The following CADPS2 variants were observed in gnomAD, a reference collection of about 807,000 sequenced individuals.
The protein encoded by CADPS2 is calcium dependent secretion activator 2.
In CADPS2, 93 loss-of-function variants were observed where a neutral mutation model predicts 172.5. The ratio of observed to expected loss-of-function variants is 0.54; its 90% CI spans 0.46 to 0.64. The LOEUF is 0.64. Among genes scored for constraint, CADPS2 ranks in the 30% least tolerant of loss-of-function variants. The pLI is 0.00. For missense variants in CADPS2, 1,420 were observed against 1,565.9 expected, an observed-to-expected ratio of 0.91 and a Z score of 1.57; for synonymous variants, 546 against 555.2, an observed-to-expected ratio of 0.98 and a Z score of 0.23.
At chr7:122,787,247 C>T (rs1052543351) in intron 1 of CADPS2, among the ~76,000 whole-genome samples, 1 of 152,066 alleles carries the variant, frequency 6.6e-6, no homozygotes, top group Non-Finnish European at 1.5e-5. Flanking sequence ...CAAGAAAAAG[C>T]TGAAAATTTT....
At chr7:122,541,528 T>C (rs2062953229) in intron 8 of CADPS2, among the ~76,000 whole-genome samples, 1 of 143,190 alleles carries the variant, frequency 7.0e-6, no homozygotes, top group African/African-American at 2.6e-5. Context: ...TTTTTTTTTA[T>C]GCTTCTCTTA....
intron 7 of CADPS2, among the ~76,000 whole-genome samples, chr7:122,559,282 C>A (rs2065416460): frequency 6.6e-6 from 1 of 152,122 alleles, no homozygotes; most frequent in African/African-American, 2.4e-5. Flanking sequence ...GAAAAAAACA[C>A]ATGATTCCAA....
At chr7:122,795,282 A>T (rs1458883151) in intron 1 of CADPS2, among the ~76,000 whole-genome samples, 1 of 152,170 alleles carries the variant, frequency 6.6e-6, no homozygotes, top group Non-Finnish European at 1.5e-5. Flanking sequence ...GGATATTACC[A>T]CTGACCCCAT....
chr7:122,391,248 T>C (rs766133022), intron 22 of CADPS2, among the ~76,000 whole-genome samples: 7 of 152,040 alleles, frequency 4.6e-5, no homozygotes, highest in Non-Finnish European at 8.8e-5. Context: ...AAAACACATT[T>C]TTAAATTTCC....
intron 1 of CADPS2, among the ~76,000 whole-genome samples, chr7:122,844,333 T>A (rs1002390700): frequency 1.3e-5 from 2 of 152,208 alleles, no homozygotes; most frequent in African/African-American, 4.8e-5. Flanking sequence ...TAAAAAAACA[T>A]CCCGCTTGCC....
rs958854502 is a variant in CADPS2, at chr7:122,386,645, TCA to T, written c.3312+379_3312+380del. On this transcript the variant is annotated intron_variant, in intron 24 of 29. Transcript: ENST00000449022. Reference sequence around the variant, plus strand: ...GAAGCTACTGTGTAAATAAACTATTTCACACTTTTTCGTGTGTCTTACTTTTA... The same window carrying T: ...GAAGCTACTGTGTAAATAAACTATTTCACTTTTTCGTGTGTCTTACTTTTA... 3.6e-4 allele frequency among the ~76,000 whole-genome samples: 55 copies of T among 152,246 alleles called. 1 individual carries two copies. Among genetic ancestry groups the T allele is most frequent in the Non-Finnish European group, 1.0e-4 (7 of 68,002 alleles).
intron 1 of CADPS2, among the ~76,000 whole-genome samples, chr7:122,825,466 A>C (rs890921479): frequency 1.3e-5 from 2 of 152,184 alleles, no homozygotes; most frequent in Non-Finnish European, 2.9e-5. Context: ...GGAGAGATAA[A>C]ATTAAAATGG....
chr7:122,336,466 G>C (rs1006455644), intron 28 of CADPS2, among the ~76,000 whole-genome samples: 2 of 152,228 alleles, frequency 1.3e-5, no homozygotes, highest in African/African-American at 4.8e-5. Context: ...CAAGGCACTA[G>C]AGACCAGTTG....
intron 2 of CADPS2, among the ~76,000 whole-genome samples, chr7:122,685,053 A>AT (rs1161957431): frequency 5.3e-5 from 8 of 152,214 alleles, no homozygotes; most frequent in Non-Finnish European, 1.0e-4. Context: ...GTAGTTGTTT[A>AT]TTTTTTTAAC....
At chr7:122,841,867 T>G (rs1399772350) in intron 1 of CADPS2, among the ~76,000 whole-genome samples, 1 of 152,206 alleles carries the variant, frequency 6.6e-6, no homozygotes, top group Non-Finnish European at 1.5e-5. Flanking sequence ...ATCCAGAATT[T>G]TCCACTCTAA....
chr7:122,876,675 T>C (rs1409375200), intron 1 of CADPS2, among the ~76,000 whole-genome samples: 2 of 152,138 alleles, frequency 1.3e-5, no homozygotes, highest in Admixed American at 1.3e-4. Flanking sequence ...TTTATATATA[T>C]ACATGTATAT....
chr7:122,807,856 A>G (rs1799131980), intron 1 of CADPS2, among the ~76,000 whole-genome samples: 2 of 152,206 alleles, frequency 1.3e-5, no homozygotes, highest in African/African-American at 4.8e-5. Flanking sequence ...GGATCACCAA[A>G]AAGGCCTCAT....
In CADPS2 at chr7:122,636,099, T is replaced by C. The variant is rs1356682729; in HGVS notation, c.787-6771A>G. ...AGTGGGGTTTTGAGACCATTTACATTCATGGATAGTATTGATATGTGAGAT... is the reference window on the plus strand; with the variant it reads ...AGTGGGGTTTTGAGACCATTTACATCCATGGATAGTATTGATATGTGAGAT... On this transcript the variant is annotated intron_variant, in intron 3 of 29. Transcript: ENST00000449022. 3.3e-5 allele frequency among the ~76,000 whole-genome samples: 5 copies of C among 152,176 alleles called. No homozygotes were observed. The East Asian group carries it at 9.7e-4, about 29-fold the overall frequency.
intron 2 of CADPS2, among the ~76,000 whole-genome samples, chr7:122,688,655 G>C (rs2083933336): frequency 6.6e-6 from 1 of 152,140 alleles, no homozygotes; most frequent in African/African-American, 2.4e-5. Context: ...TTCTCTCTCT[G>C]GGCACGAGAG....
intron 3 of CADPS2, among the ~76,000 whole-genome samples, chr7:122,649,731 CATACATCTATATGATTT>C (rs1164663357): frequency 6.6e-6 from 1 of 152,062 alleles, no homozygotes; most frequent in Admixed American, 6.6e-5. Context: ...CATTACATTT[CATACATCTATATGATTT>C]ATACATCTAT....
At position 122,603,397 on chromosome 7, in the gene CADPS2, G is replaced by T. The variant is rs117763610; in HGVS notation, c.1223+11784C>A. ...TGAAACTCCTCCTGTAAATTTCCTG[G>T]ACTTAAAAATAGGATGCTAAAAGAA... On this transcript the variant is annotated intron_variant, in intron 6 of 29. Coordinates refer to ENST00000449022, the MANE Select transcript of CADPS2 (RefSeq NM_017954.11). 7.1e-3 allele frequency among the ~76,000 whole-genome samples: 1,031 copies of T among 146,120 alleles called. 3 individuals carry two copies. The highest frequency in any genetic ancestry group is 0.012 in the Non-Finnish European group (790 of 67,794).
At chr7:122,669,454 A>G (rs2081550355) in intron 2 of CADPS2, among the ~76,000 whole-genome samples, 2 of 151,728 alleles carry the variant, frequency 1.3e-5, no homozygotes, top group South Asian at 4.2e-4. Flanking sequence ...CAGGTGTCCT[A>G]TGATGCTGAT....
At chr7:122,518,314 A>G (rs2130952774) in intron 8 of CADPS2, among the ~76,000 whole-genome samples, 1 of 152,240 alleles carries the variant, frequency 6.6e-6, no homozygotes, top group Non-Finnish European at 1.5e-5. Context: ...ATAAATTATA[A>G]TAACTACATA....
intron 8 of CADPS2, among the ~76,000 whole-genome samples, chr7:122,523,403 C>T (rs1424449610): frequency 6.6e-6 from 1 of 152,018 alleles, no homozygotes; most frequent in Non-Finnish European, 1.5e-5. Flanking sequence ...TATTAAAAGA[C>T]AGTTTTTCCT....
Sources: allele counts gnomAD v4.1 joint callset (sites outside exome capture counted in the v4.1 genomes callset), GRCh38; gene constraint gnomAD v4.1.1; transcripts MANE v1.5; gene names NCBI Gene and HGNC (gene_info 2026-07-23, HGNC 2026-07-21).